TRAK1: variants seen among roughly 807,000 people sequenced by gnomAD.
The protein encoded by TRAK1 is trafficking kinesin-binding protein 1.
TRAK1 carries 33 observed loss-of-function variants against 92.1 expected under a neutral mutation model. That is an observed-to-expected ratio of 0.36 (90% confidence interval 0.27 to 0.48). TRAK1 has a LOEUF of 0.48. Ranked by LOEUF, TRAK1 falls within the 20% of genes least tolerant of loss-of-function variation. TRAK1 has a pLI of 0.99. For synonymous variants in TRAK1, 521 were observed against 517.3 expected, an observed-to-expected ratio of 1.01 and a Z score of -0.10; for missense variants, 1,123 against 1,257.9, an observed-to-expected ratio of 0.89 and a Z score of 1.62.
At chr3:42,058,253 T>C (rs902772329) in intron 1 of TRAK1, among the ~76,000 whole-genome samples, 2 of 152,364 alleles carry the variant, frequency 1.3e-5, no homozygotes, top group African/African-American at 4.8e-5. Context: ...GTAAGTATGC[T>C]TTTGCCTTTA....
intron 2 of TRAK1, among the ~76,000 whole-genome samples, chr3:42,174,705 A>C (rs1318940721): frequency 6.7e-6 from 1 of 148,350 alleles, no homozygotes; most frequent in African/African-American, 2.4e-5. Context: ...TATATACAAA[A>C]ATATATATAA....
At chr3:42,127,561 A>T (rs956137516) in intron 2 of TRAK1, among the ~76,000 whole-genome samples, 1 of 151,428 alleles carries the variant, frequency 6.6e-6, no homozygotes, top group Non-Finnish European at 1.5e-5. Flanking sequence ...GGGTCTCCCT[A>T]TGTTGCCCAG....
intron 3 of TRAK1, among the ~76,000 whole-genome samples, chr3:42,177,943 G>C (rs1703434341): frequency 6.6e-6 from 1 of 152,142 alleles, no homozygotes; most frequent in Non-Finnish European, 1.5e-5. Context: ...TATTTTGGGG[G>C]ACCGACCTTC....
chr3:42,111,640 C>T (rs933107138), intron 1 of TRAK1, among the ~76,000 whole-genome samples: 1 of 152,108 alleles, frequency 6.6e-6, no homozygotes, highest in African/African-American at 2.4e-5. Context: ...CGTGATCCTC[C>T]CACCTAGGCC....
chr3:42,109,967 G>A (rs952994263), intron 1 of TRAK1, among the ~76,000 whole-genome samples: 65 of 151,210 alleles, frequency 4.3e-4, no homozygotes, highest in Non-Finnish European at 7.4e-5. Context: ...TAGGGGTGGC[G>A]GGGGGGATGG....
chr3:42,014,534 G>A (rs114822091), intron 1 of TRAK1, among the ~76,000 whole-genome samples: 2,389 of 152,342 alleles, frequency 0.016, 31 homozygotes, highest in South Asian at 0.052. Flanking sequence ...AGTTTACTTT[G>A]TCACTTTCTT....
At position 42,193,178 on chromosome 3, in the gene TRAK1, A is replaced by G; in HGVS notation, c.873A>G (p.Ile291Met). ...AGATCACACACCTGCTATCGCAAAT[A>G]GTTGATTTGCAGAAAAAGGCAAAAG... ...QEEITHLLSQ[I>M]VDLQKKAKAC... The change falls in exon 8 of 16, where the codon ATA becomes ATG. Residue 291 changes from isoleucine (I) to methionine (M), a missense_variant. Ile to Met is a conservative substitution (Grantham distance 10). This residue lies in a region of TRAK1 where 686 missense variants were observed against 747.6 expected (regional missense o/e 0.92). Transcript: ENST00000327628. The G allele has an allele frequency of 6.2e-7, 1 of 1,614,194 alleles. No homozygotes were observed. Among genetic ancestry groups the G allele is most frequent in the Non-Finnish European group, 8.5e-7 (1 of 1,180,010 alleles).
rs373568947 is a variant in TRAK1, at chr3:42,188,028, C to T, written c.481-17C>T. 2.5e-5 allele frequency: 41 copies of T among 1,611,670 alleles called. No individual in the cohort carries two copies. Among genetic ancestry groups the T allele is most frequent in the Non-Finnish European group, 3.4e-5 (40 of 1,178,456 alleles). On this transcript the variant is annotated splice_polypyrimidine_tract_variant and intron_variant, in intron 4 of 15. Transcript: ENST00000327628. ...ACCTTTTGGGAAGCAAATGATGGGC[C>T]TGCTCTGCTTGTGCAGGTGTCTCAG...
In TRAK1 at chr3:42,014,656, A is replaced by C. The variant is rs138958869; in HGVS notation, c.-519+539A>C. On this transcript the variant is annotated intron_variant, in intron 1 of 16. Coordinates refer to the TRAK1 transcript ENST00000487159. ...TTTGTAAAGTTGTGTTTCAGGAAAG[A>C]TGTTAAAAGTCGGCCTGCTCTTGAG... Among the ~76,000 whole-genome samples the C allele has an allele frequency of 3.9e-5, 6 of 152,366 alleles. No individual in the cohort carries two copies. In the East Asian group the frequency reaches 1.2e-3, roughly 29 times the overall value.
In TRAK1 at chr3:42,209,897, T is replaced by C. The variant is rs772430259; in HGVS notation, c.1875T>C (p.Leu625=). The C allele has an allele frequency of 6.2e-7, 1 of 1,614,174 alleles. No homozygotes were observed. Among genetic ancestry groups the C allele is most frequent in the South Asian group, 1.1e-5 (1 of 91,076 alleles). ...TTGACCTGGACGAAGTGTACTGCCT[T>C]AACGACTTTGAAGAAGATGACACAG... is the stretch of plus-strand genomic sequence containing the variant. The part of the protein sequence containing the change: ...LDVDLDEVYC[L]NDFEEDDTGD... The change falls in exon 14 of 16, where the codon CTT becomes CTC. Residue 625 remains leucine, a synonymous_variant. Transcript: ENST00000327628.
intron 2 of TRAK1, among the ~76,000 whole-genome samples, chr3:42,160,640 C>T (rs1701175343): frequency 6.6e-6 from 1 of 151,692 alleles, no homozygotes; most frequent in Non-Finnish European, 1.5e-5. Flanking sequence ...GTAAGAGCCC[C>T]CACCCCCTCA....
chr3:42,137,242 A>G (rs1454095403), intron 2 of TRAK1, among the ~76,000 whole-genome samples: 1 of 152,340 alleles, frequency 6.6e-6, no homozygotes, highest in Admixed American at 6.5e-5. Context: ...CCATTCATCT[A>G]TTATTAGGAA....
At chr3:42,132,641 A>G (rs1314446086) in intron 2 of TRAK1, among the ~76,000 whole-genome samples, 4 of 152,076 alleles carry the variant, frequency 2.6e-5, no homozygotes, top group African/African-American at 9.6e-5. Context: ...CAGAGGCCTG[A>G]CTATATATCC....
At chr3:42,101,053 C>T (rs997813403) in intron 1 of TRAK1, among the ~76,000 whole-genome samples, 2 of 152,232 alleles carry the variant, frequency 1.3e-5, no homozygotes, top group African/African-American at 2.4e-5. Context: ...GTGGTTCCTA[C>T]AACATTTATT....
At chr3:42,045,540 A>G (rs1158541427) in intron 1 of TRAK1, among the ~76,000 whole-genome samples, 1 of 151,896 alleles carries the variant, frequency 6.6e-6, no homozygotes, top group African/African-American at 2.4e-5. Flanking sequence ...GCCTCAAAAA[A>G]CCCCAAAAAA....
chr3:42,122,695 A>G (rs1710042807), intron 1 of TRAK1, among the ~76,000 whole-genome samples: 1 of 152,168 alleles, frequency 6.6e-6, no homozygotes, highest in African/African-American at 2.4e-5. Flanking sequence ...TTGTGGGCCC[A>G]TCTTGAGCCT....
At chr3:42,182,879 T>C (rs1485168498) in intron 3 of TRAK1, among the ~76,000 whole-genome samples, 1 of 152,240 alleles carries the variant, frequency 6.6e-6, no homozygotes, top group African/African-American at 2.4e-5. Context: ...TAAAACTCAG[T>C]GAATCATAAA....
At chr3:42,050,553 C>T (rs1162132512) in intron 1 of TRAK1, among the ~76,000 whole-genome samples, 1 of 152,222 alleles carries the variant, frequency 6.6e-6, no homozygotes, top group Non-Finnish European at 1.5e-5. Flanking sequence ...CCCATTAAGG[C>T]AGTTAGGCTT....
intron 14 of TRAK1, chr3:42,212,156 C>T (rs1487190323): frequency 1.0e-6 from 1 of 985,398 alleles, no homozygotes; most frequent in East Asian, 1.1e-4. Flanking sequence ...TAGCTCTATG[C>T]CTGCAATCAT....
Sources: allele counts gnomAD v4.1 joint callset (sites outside exome capture counted in the v4.1 genomes callset), GRCh38; gene constraint gnomAD v4.1.1; regional missense constraint gnomAD v4.1.1; transcripts MANE v1.5; gene names NCBI Gene and HGNC (gene_info 2026-07-23, HGNC 2026-07-21).